The following CTNND1 variants were observed in gnomAD, a reference collection of about 807,000 sequenced individuals.
The protein encoded by CTNND1 is catenin delta-1.
In CTNND1, 16 loss-of-function variants were observed where a neutral mutation model predicts 112.1. The ratio of observed to expected loss-of-function variants is 0.14; its 90% CI spans 0.10 to 0.22. The LOEUF (loss-of-function observed/expected upper bound fraction) is 0.22. CTNND1 is among the 10% of genes least tolerant of loss of function. CTNND1 has a pLI of 1.00. For synonymous variants in CTNND1, 420 were observed against 446.5 expected, an observed-to-expected ratio of 0.94 and a Z score of 0.75; for missense variants, 1,008 against 1,257.0, an observed-to-expected ratio of 0.80 and a Z score of 3.00.
At chr11:57,809,747 C>T (rs1329383516) in intron 15 of CTNND1, among the ~76,000 whole-genome samples, 4 of 152,270 alleles carry the variant, frequency 2.6e-5, no homozygotes, top group Non-Finnish European at 5.9e-5. Flanking sequence ...GGCAGAGTCT[C>T]GCTCTGTCAC....
chr11:57,811,765 T>C (rs552729178), intron 17 of CTNND1, among the ~76,000 whole-genome samples: 1 of 149,984 alleles, frequency 6.7e-6, no homozygotes, highest in East Asian at 2.0e-4. Flanking sequence ...TTTTTTCTCC[T>C]TTTAAATTTC....
At chr11:57,800,823 C>T (rs1456204062) in intron 6 of CTNND1, among the ~76,000 whole-genome samples, 3 of 152,160 alleles carry the variant, frequency 2.0e-5, no homozygotes, top group African/African-American at 7.2e-5. Context: ...TTCTTCCTTC[C>T]TGGTAGTTAC....
intron 4 of CTNND1, 104 bp downstream of exon 4, chr11:57,794,185 A>G (rs1018400431): frequency 5.9e-5 from 53 of 897,392 alleles, no homozygotes; most frequent in East Asian, 9.9e-5. Flanking sequence ...CACATTGTAC[A>G]TACTCGTCAA....
intron 20 of CTNND1, 56 bp from the exon 21 acceptor site, chr11:57,816,241 G>T (rs1468789754): frequency 2.5e-6 from 4 of 1,608,334 alleles, no homozygotes; most frequent in Non-Finnish European, 3.4e-6. Context: ...TTTTTGGGGG[G>T]GGTCTCCTTA....
At chr11:57,791,262 G>A in intron 2 of CTNND1, 123 bp from the exon 3 acceptor site, 2 of 722,238 alleles carry the variant, frequency 2.8e-6, no homozygotes, top group Non-Finnish European at 3.8e-6. Flanking sequence ...AGGCTTGGCG[G>A]TGGCTTGCTT....
chr11:57,808,337 C>G, intron 13 of CTNND1, 45 bp downstream of exon 13: 1 of 1,599,266 alleles, frequency 6.3e-7, no homozygotes, highest in Non-Finnish European at 8.6e-7. Flanking sequence ...ACTTAGATAA[C>G]TAGTTTGCTG....
Position 57,810,234 on chromosome 11 carries a change from T to G in CTNND1, c.2550+11T>G. The G allele has an allele frequency of 1.3e-6, 2 of 1,577,022 alleles. No individual in the cohort carries two copies. The highest frequency in any genetic ancestry group is 1.7e-6 in the Non-Finnish European group (2 of 1,160,040). ...AAATCAGACTTTCAGGTATAGTAACTTTTGAGACCAAGACTTTTACTTTTT... is the reference window on the plus strand; with the variant it reads ...AAATCAGACTTTCAGGTATAGTAACGTTTGAGACCAAGACTTTTACTTTTT... On this transcript the variant is annotated intron_variant, in intron 16 of 20. Coordinates refer to ENST00000399050, the MANE Select transcript of CTNND1 (RefSeq NM_001085458.2).
In CTNND1 at chr11:57,808,309, G is replaced by T; in HGVS notation, c.2091+17G>T. ...CGCTGGACGGTACCTTTTAGAAAAG[G>T]GATTTGGAGATGGGAAAACTTAGAT... is the stretch of plus-strand genomic sequence containing the variant. On this transcript the variant is annotated intron_variant, in intron 13 of 20. Transcript: ENST00000399050. 1 of 1,602,156 alleles carries T rather than the reference G, an allele frequency of 6.2e-7. No homozygotes were observed. Among genetic ancestry groups the T allele is most frequent in the South Asian group, 1.1e-5 (1 of 90,672 alleles).
chr11:57,805,865 C>G lies in CTNND1; in HGVS notation c.1723-17C>G, dbSNP rs1230412306. Reference sequence around the variant, plus strand: ...ATAGACATTCTTTTTTCTCATTGGCCCTTTTATGTCCCTAAGCTTGTAGAG... The same window carrying G: ...ATAGACATTCTTTTTTCTCATTGGCGCTTTTATGTCCCTAAGCTTGTAGAG... On this transcript the variant is annotated splice_polypyrimidine_tract_variant and intron_variant, in intron 9 of 20. Transcript: ENST00000399050. 3.7e-6 allele frequency: 6 copies of G among 1,606,536 alleles called. No individual in the cohort carries two copies. Among genetic ancestry groups the G allele is most frequent in the Non-Finnish European group, 5.1e-6 (6 of 1,175,990 alleles).
At chr11:57,769,736 G>C (rs1170188308) in intron 1 of CTNND1, among the ~76,000 whole-genome samples, 1 of 150,744 alleles carries the variant, frequency 6.6e-6, no homozygotes. Context: ...TCTGTTTCTT[G>C]TACCCATGTG....
intron 7 of CTNND1, 122 bp downstream of exon 7, chr11:57,802,318 A>G (rs2062086087): frequency 1.2e-6 from 1 of 831,096 alleles, no homozygotes; most frequent in East Asian, 2.5e-5. Context: ...GCTGTGGGTC[A>G]AATCCATCTC....
chr11:57,786,414 T>C (rs2060141546), intron 1 of CTNND1, among the ~76,000 whole-genome samples: 1 of 152,004 alleles, frequency 6.6e-6, no homozygotes, highest in Admixed American at 6.5e-5. Flanking sequence ...GCACCTGTAA[T>C]CCCAGCTATT....
chr11:57,815,537 T>G (rs11570224), intron 19 of CTNND1, 37 bp downstream of exon 19: 1 of 1,483,286 alleles, frequency 6.7e-7, no homozygotes, highest in East Asian at 2.3e-5. Context: ...TGTCTAAGGC[T>G]AGTTCTATTT....
rs747333220 is a variant in CTNND1 at position 57,791,662 on chromosome 11, C to T, written c.184C>T (p.Arg62Cys). Residue 62 changes from arginine (R) to cysteine (C), a missense_variant, in exon 3 of 21, where the codon CGC becomes TGC. This residue lies in a region of CTNND1 where 404 missense variants were observed against 457.9 expected (regional missense o/e 0.88). Coordinates refer to ENST00000399050, the MANE Select transcript of CTNND1 (RefSeq NM_001085458.2). ...NPLMANGTLT[R>C]RHQNGRFVGD... ...ACTCATGGCCAACGGCACACTCACCCGCCGGCATCAGGTAACCCCTCTCTC... is the reference window on the plus strand; with the variant it reads ...ACTCATGGCCAACGGCACACTCACCTGCCGGCATCAGGTAACCCCTCTCTC... The T allele has an allele frequency of 1.8e-5, 29 of 1,572,964 alleles. No individual in the cohort carries two copies. The highest frequency in any genetic ancestry group is 2.5e-5 in the Non-Finnish European group (29 of 1,155,356).
chr11:57,765,946 G>A (rs1950954825), intron 1 of CTNND1, among the ~76,000 whole-genome samples: 2 of 152,058 alleles, frequency 1.3e-5, no homozygotes, highest in South Asian at 4.1e-4. Context: ...CCAGGTGGGT[G>A]GATCGCTGGG....
In CTNND1 at chr11:57,806,960, C is replaced by A; in HGVS notation, c.1940C>A (p.Pro647His). The change falls in exon 12 of 21, where the codon CCT becomes CAT. Residue 647 changes from proline (P) to histidine (H), a missense_variant. This residue lies in a region of CTNND1 where 254 missense variants were observed against 279.5 expected (regional missense o/e 0.91). Coordinates refer to ENST00000399050, the MANE Select transcript of CTNND1 (RefSeq NM_001085458.2). ...EDPANDTVDFPKRTSPARGYE... is the reference protein window; with the variant it reads ...EDPANDTVDFHKRTSPARGYE... Reference sequence around the variant, plus strand: ...CCAGCAAACGATACAGTGGATTTCCCTAAAAGAACGAGTCCAGCTCGAGGT... The same window carrying A: ...CCAGCAAACGATACAGTGGATTTCCATAAAAGAACGAGTCCAGCTCGAGGT... The A allele has an allele frequency of 6.2e-7, 1 of 1,601,306 alleles. No homozygotes were observed. The highest frequency in any genetic ancestry group is 2.2e-5 in the East Asian group (1 of 44,596).
intron 1 of CTNND1, among the ~76,000 whole-genome samples, chr11:57,769,833 C>T (rs1952110434): frequency 6.6e-6 from 1 of 152,078 alleles, no homozygotes; most frequent in Non-Finnish European, 1.5e-5. Flanking sequence ...CTGATCTCTT[C>T]TAGTGATTCA....
chr11:57,790,385 CTTTT>C (rs1274143869), intron 2 of CTNND1, among the ~76,000 whole-genome samples: 2 of 139,624 alleles, frequency 1.4e-5, no homozygotes, highest in Non-Finnish European at 1.6e-5. Flanking sequence ...TTCTTTCTTT[CTTTT>C]TTTTTTTTTT....
chr11:57,811,160 CT>C (rs1486221863), intron 16 of CTNND1, among the ~76,000 whole-genome samples: 1 of 152,056 alleles, frequency 6.6e-6, no homozygotes, highest in African/African-American at 2.4e-5. Context: ...TTCTCTGAAA[CT>C]GTATTTTCTT....
Sources: gnomAD v4.1 joint callset for allele counts (sites outside exome capture counted in the v4.1 genomes callset) on GRCh38, gnomAD v4.1.1 for gene constraint, gnomAD v4.1.1 regional missense constraint, MANE v1.5 for transcripts, NCBI Gene and HGNC (gene_info 2026-07-23, HGNC 2026-07-21) for gene names.